The following MIR2052HG variants were observed in gnomAD, a reference collection of about 807,000 sequenced individuals.
MIR2052HG encodes MIR2052 host gene.
At chr8:74,631,949 C>T (rs1808516704) in intron 2 of MIR2052HG, among the ~76,000 whole-genome samples, 1 of 152,124 alleles carries the variant, frequency 6.6e-6, no homozygotes, top group African/African-American at 2.4e-5. Flanking sequence ...ATAATTTCCC[C>T]AAAGATCCCA....
At chr8:74,751,115 C>A (rs1283923586) in intron 4 of MIR2052HG, among the ~76,000 whole-genome samples, 1 of 152,200 alleles carries the variant, frequency 6.6e-6, no homozygotes, top group African/African-American at 2.4e-5. Flanking sequence ...GTGGCACTTA[C>A]GGTCGTTTGC....
intron 1 of MIR2052HG, chr8:74,603,812 C>T: frequency 2.4e-6 from 2 of 837,166 alleles, no homozygotes; most frequent in Non-Finnish European, 4.3e-6. Flanking sequence ...ATAGTGATGG[C>T]CTGCTCAGTT....
intron 2 of MIR2052HG, among the ~76,000 whole-genome samples, chr8:74,658,268 G>A (rs890565376): frequency 1.3e-5 from 2 of 151,892 alleles, no homozygotes; most frequent in South Asian, 2.1e-4. Flanking sequence ...ACCTTTTAAT[G>A]TACTGTAGAA....
At chr8:74,635,853 G>A (rs1465532746) in intron 2 of MIR2052HG, among the ~76,000 whole-genome samples, 1 of 152,152 alleles carries the variant, frequency 6.6e-6, no homozygotes, top group East Asian at 1.9e-4. Context: ...ATAAAAGTCT[G>A]ATGTGTGTTG....
intron 2 of MIR2052HG, among the ~76,000 whole-genome samples, chr8:74,624,622 C>A (rs539224452): frequency 2.0e-5 from 3 of 152,292 alleles, no homozygotes; most frequent in African/African-American, 7.2e-5. Flanking sequence ...TATCCATTGA[C>A]AAAAATGCTT....
intron 1 of MIR2052HG, among the ~76,000 whole-genome samples, chr8:74,602,515 TC>T (rs1563508188): frequency 3.3e-4 from 50 of 151,004 alleles, no homozygotes; most frequent in African/African-American, 1.2e-3. Context: ...TTCTTTTCTT[TC>T]TTTCTTTTTT....
chr8:74,712,171 A>G (rs1809474658), intron 4 of MIR2052HG, among the ~76,000 whole-genome samples: 1 of 152,224 alleles, frequency 6.6e-6, no homozygotes, highest in South Asian at 2.1e-4. Context: ...GAATAGTGGT[A>G]ATACCCACTG....
intron 2 of MIR2052HG, among the ~76,000 whole-genome samples, chr8:74,622,814 T>C (rs1808381744): frequency 6.6e-6 from 1 of 151,470 alleles, no homozygotes; most frequent in Admixed American, 6.6e-5. Context: ...ACAGTCATTA[T>C]GAAAACCACC....
intron 2 of MIR2052HG, among the ~76,000 whole-genome samples, chr8:74,640,057 C>G (rs375564080): frequency 1.2e-4 from 18 of 152,238 alleles, no homozygotes; most frequent in South Asian, 1.0e-3. Context: ...TGTTTGATCA[C>G]TTAGGTTCTA....
intron 3 of MIR2052HG, among the ~76,000 whole-genome samples, chr8:74,703,139 A>G (rs2128741023): frequency 6.6e-6 from 1 of 152,160 alleles, no homozygotes. Context: ...ATGATAGGTA[A>G]TCAGAAGGGC....
chr8:74,601,952 C>T (rs1210048620), intron 1 of MIR2052HG, among the ~76,000 whole-genome samples: 1 of 152,202 alleles, frequency 6.6e-6, no homozygotes, highest in African/African-American at 2.4e-5. Context: ...TTTAGAACTT[C>T]TACTCTAGTA....
intron 4 of MIR2052HG, among the ~76,000 whole-genome samples, chr8:74,719,849 C>CTTTTTTTTTTTTTTTTTTTTTTTTTTT (rs10647233): frequency 9.4e-5 from 10 of 106,718 alleles, no homozygotes; most frequent in Non-Finnish European, 1.5e-4. Context: ...TTTCTTTTTT[C>CTTTTTTTTTTTTTTTTTTTTTTTTTTT]TTTTTTTTTT....
At chr8:74,671,797 C>T (rs1273552766) in intron 2 of MIR2052HG, among the ~76,000 whole-genome samples, 3 of 152,110 alleles carry the variant, frequency 2.0e-5, no homozygotes, top group Non-Finnish European at 4.4e-5. Flanking sequence ...TTCAGATCTG[C>T]TCACTAAGGT....
chr8:74,640,093 A>T (rs1808622310), intron 2 of MIR2052HG, among the ~76,000 whole-genome samples: 1 of 152,128 alleles, frequency 6.6e-6, no homozygotes, highest in African/African-American at 2.4e-5. Context: ...TTTAATCCAT[A>T]GTTTGAAAGC....
At chr8:74,748,603 G>A (rs1809911449) in intron 4 of MIR2052HG, among the ~76,000 whole-genome samples, 1 of 152,152 alleles carries the variant, frequency 6.6e-6, no homozygotes, top group African/African-American at 2.4e-5. Flanking sequence ...CTGCATTCCA[G>A]TCCAGCTTGA....
At chr8:74,673,489 G>A (rs1193972670) in intron 2 of MIR2052HG, among the ~76,000 whole-genome samples, 1 of 152,020 alleles carries the variant, frequency 6.6e-6, no homozygotes, top group African/African-American at 2.4e-5. Flanking sequence ...TTACTAGCTT[G>A]CTGGTCATTT....
chr8:74,637,023 A>G (rs1808588887), intron 2 of MIR2052HG, among the ~76,000 whole-genome samples: 1 of 152,194 alleles, frequency 6.6e-6, no homozygotes, highest in African/African-American at 2.4e-5. Flanking sequence ...TGGGGTCATT[A>G]GGCACATCAA....
At chr8:74,742,597 C>T (rs1809841999) in intron 4 of MIR2052HG, among the ~76,000 whole-genome samples, 1 of 152,078 alleles carries the variant, frequency 6.6e-6, no homozygotes, top group African/African-American at 2.4e-5. Flanking sequence ...GCATCTCACT[C>T]ATTAGTAGTC....
chr8:74,744,784 T>C (rs959387897), intron 4 of MIR2052HG, among the ~76,000 whole-genome samples: 3 of 152,040 alleles, frequency 2.0e-5, no homozygotes, highest in Non-Finnish European at 2.9e-5. Context: ...CGCAGTAAAA[T>C]CTTACTTCAT....
Sources: allele counts gnomAD v4.1 joint callset (sites outside exome capture counted in the v4.1 genomes callset), GRCh38; gene constraint gnomAD v4.1.1; transcripts MANE v1.5; gene names NCBI Gene and HGNC (gene_info 2026-07-23, HGNC 2026-07-21).